The following JAKMIP3 variants were observed in gnomAD, a reference collection of about 807,000 sequenced individuals.
The protein encoded by JAKMIP3 is janus kinase and microtubule-interacting protein 3.
A neutral mutation model predicts 118.5 loss-of-function variants in JAKMIP3; 58 were observed. That is an observed-to-expected ratio of 0.49 (90% CI 0.40 to 0.61). The LOEUF is 0.61. JAKMIP3 is among the 20% of genes least tolerant of loss of function. The probability of loss-of-function intolerance (pLI) is 0.00; values close to 1 mark genes in which losing one functional copy is unlikely to be tolerated. For synonymous variants in JAKMIP3, 486 were observed against 451.2 expected, an observed-to-expected ratio of 1.08 and a Z score of -0.98; for missense variants, 950 against 1,109.0, an observed-to-expected ratio of 0.86 and a Z score of 2.04.
At chr10:132,159,849 G>GC (rs1378836483) in intron 19 of JAKMIP3, among the ~76,000 whole-genome samples, 2 of 59,484 alleles carry the variant, frequency 3.4e-5, no homozygotes, top group Non-Finnish European at 5.8e-5. Context: ...GATGCTGGGG[G>GC]GCCTCTCCCT....
At chr10:132,133,003 C>T (rs2050936464) in intron 3 of JAKMIP3, among the ~76,000 whole-genome samples, 1 of 152,228 alleles carries the variant, frequency 6.6e-6, no homozygotes, top group Admixed American at 6.5e-5. Flanking sequence ...AGTACCACCC[C>T]TGTGTGCACC....
chr10:132,061,950 A>G (rs933204898), upstream of JAKMIP3, among the ~76,000 whole-genome samples: 1 of 152,202 alleles, frequency 6.6e-6, no homozygotes, highest in Non-Finnish European at 1.5e-5. Context: ...GATGGTAGAC[A>G]AAGACTAGCC....
intron 5 of JAKMIP3, among the ~76,000 whole-genome samples, 197 bp from the exon 6 acceptor site, chr10:132,135,733 G>A (rs2051632425): frequency 6.6e-6 from 1 of 152,166 alleles, no homozygotes; most frequent in African/African-American, 2.4e-5. Context: ...GGACGAGCAG[G>A]TTCACCAGTG....
chr10:132,167,822 G>C (rs1430107764), intron 22 of JAKMIP3, 131 bp from the exon 23 acceptor site: 14 of 398,836 alleles, frequency 3.5e-5, no homozygotes, highest in Non-Finnish European at 5.7e-5. Context: ...TCACCCCTCG[G>C]CCCTCACCCC....
upstream of JAKMIP3, among the ~76,000 whole-genome samples, chr10:132,061,385 A>G (rs1225893008): frequency 6.6e-6 from 1 of 152,240 alleles, no homozygotes; most frequent in Non-Finnish European, 1.5e-5. Flanking sequence ...TTGAAGACAT[A>G]AAAGAAGTCC....
rs986354153 is a variant in JAKMIP3 at position 132,180,681 on chromosome 10, G to A, written c.*1104-1676G>A. On this transcript the variant is annotated intron_variant, in intron 23 of 23. Transcript: ENST00000684848. Reference sequence around the variant, plus strand: ...TGCGTGTGTGCGTGTGTGTGCGCGCGCGTGTGTGTGCGTGCGTGTGTGTGT... The same window carrying A: ...TGCGTGTGTGCGTGTGTGTGCGCGCACGTGTGTGTGCGTGCGTGTGTGTGT... 5.9e-4 allele frequency among the ~76,000 whole-genome samples: 11 copies of A among 18,688 alleles called. 4 individuals are homozygous for A. The highest frequency in any genetic ancestry group is 1.2e-3 in the Non-Finnish European group (11 of 9,078). The allele number at this position is 18,688 out of a possible 152,430, so 12.3% of individuals were successfully genotyped here. A position where few individuals can be genotyped will look rare whatever the true frequency, so the allele number is the denominator to read the frequency against.
intron 2 of JAKMIP3, among the ~76,000 whole-genome samples, chr10:132,111,821 C>A (rs1369886775): frequency 6.6e-6 from 1 of 152,114 alleles, no homozygotes; most frequent in African/African-American, 2.4e-5. Context: ...TAAACATACC[C>A]TCTGGCTGCT....
Position 132,044,069 on chromosome 10 carries a change from TGC to T in JAKMIP3, c.-138+7332_-138+7333del, listed in dbSNP as rs1487004698. ...TCTCAGGCAGTTCAGATACCGTGTG[TGC>T]AGTGGCGCTTGTGGCCCACCTGGGG... On this transcript the variant is annotated intron_variant, in intron 1 of 23. Coordinates refer to the JAKMIP3 transcript ENST00000657785. This position sits in a 1 kb window ranked among gnomAD's most constrained non-coding sequence, Gnocchi z 5.3. Among the ~76,000 whole-genome samples, 3 of 152,216 alleles carry T rather than the reference TGC, an allele frequency of 2.0e-5. No homozygotes were observed. Among genetic ancestry groups the T allele is most frequent in the African/African-American group, 7.2e-5 (3 of 41,462 alleles).
At chr10:132,037,593 C>T (rs896415823) in intron 1 of JAKMIP3, among the ~76,000 whole-genome samples, 2 of 152,134 alleles carry the variant, frequency 1.3e-5, no homozygotes, top group African/African-American at 4.8e-5. Flanking sequence ...GGTCAAAAGA[C>T]CCCTGCTGGA....
At chr10:132,076,769 G>T (rs1211120388) in intron 1 of JAKMIP3, among the ~76,000 whole-genome samples, 2 of 150,364 alleles carry the variant, frequency 1.3e-5, no homozygotes, top group Non-Finnish European at 3.0e-5. Context: ...GGCCTGAGGT[G>T]GCCCCGGGTC....
chr10:132,157,451 T>TC (rs1398174039), intron 19 of JAKMIP3, among the ~76,000 whole-genome samples: 1 of 152,228 alleles, frequency 6.6e-6, no homozygotes, highest in African/African-American at 2.4e-5. Flanking sequence ...CCTATCCATT[T>TC]CTGACGTCCC....
intron 19 of JAKMIP3, among the ~76,000 whole-genome samples, chr10:132,154,631 G>A (rs1361009031): frequency 1.3e-5 from 2 of 152,144 alleles, no homozygotes; most frequent in African/African-American, 2.4e-5. Context: ...GGTTCACCTC[G>A]GGACCCAGCC....
At chr10:132,141,359 G>A (rs540863667) in intron 10 of JAKMIP3, among the ~76,000 whole-genome samples, 1 of 152,260 alleles carries the variant, frequency 6.6e-6, no homozygotes, top group East Asian at 1.9e-4. Context: ...GGGGTCCACC[G>A]GGACCCTTTG....
intron 23 of JAKMIP3, among the ~76,000 whole-genome samples, chr10:132,172,513 C>A (rs1228755210): frequency 6.6e-6 from 1 of 152,058 alleles, no homozygotes; most frequent in Admixed American, 6.5e-5. Flanking sequence ...GTGCTCTCCC[C>A]CTTCCTTCTA....
intron 22 of JAKMIP3, among the ~76,000 whole-genome samples, chr10:132,167,406 G>T (rs1003800128): frequency 3.3e-5 from 5 of 152,204 alleles, no homozygotes; most frequent in African/African-American, 1.2e-4. Context: ...GGCCCTGGGG[G>T]CAGACACGGT....
At chr10:132,051,329 C>T (rs371158251) in intron 1 of JAKMIP3, among the ~76,000 whole-genome samples, 27 of 121,720 alleles carry the variant, frequency 2.2e-4, no homozygotes, top group South Asian at 1.5e-3. Context: ...TTTCCTGGCA[C>T]GGTTGGTCTT....
chr10:132,082,367 A>G (rs2041886533), intron 1 of JAKMIP3, among the ~76,000 whole-genome samples: 1 of 151,954 alleles, frequency 6.6e-6, no homozygotes, highest in Admixed American at 6.6e-5. Context: ...GTAGTCTTTT[A>G]TCCCTCACCC....
chr10:132,180,638 C>T (rs868134654), intron 23 of JAKMIP3, among the ~76,000 whole-genome samples: 1,380 of 9,344 alleles, frequency 0.15, 210 homozygotes, highest in East Asian at 0.26. Flanking sequence ...TGTGTGCGTG[C>T]GTGTGTGCGT....
chr10:132,053,076 G>C (rs1021680964), intron 1 of JAKMIP3, among the ~76,000 whole-genome samples: 1 of 152,142 alleles, frequency 6.6e-6, no homozygotes, highest in Non-Finnish European at 1.5e-5. Context: ...GGGTTTCTCT[G>C]AGACCTGGGA....
Sources: gnomAD v4.1 joint callset for allele counts (sites outside exome capture counted in the v4.1 genomes callset) on GRCh38, gnomAD v4.1.1 for gene constraint, Gnocchi (gnomAD v3.1) non-coding constraint, MANE v1.5 for transcripts, NCBI Gene and HGNC (gene_info 2026-07-23, HGNC 2026-07-21) for gene names.